The following FRMD4A variants were observed in gnomAD, a reference collection of about 807,000 sequenced individuals.
FRMD4A encodes FERM domain containing 4A.
A neutral mutation model predicts 129.1 loss-of-function variants in FRMD4A; 29 were observed. The ratio of observed to expected loss-of-function variants is 0.22; its 90% CI spans 0.17 to 0.31. The LOEUF (loss-of-function observed/expected upper bound fraction) is 0.31, where lower values mean the gene tolerates loss of function less well. Among genes scored for constraint, FRMD4A ranks in the 10% least tolerant of loss-of-function variants. FRMD4A has a pLI of 1.00. For synonymous variants in FRMD4A, 634 were observed against 571.6 expected (o/e 1.11, Z -1.56); for missense variants, 1,272 against 1,375.8 (o/e 0.92, Z 1.19).
intron 2 of FRMD4A, among the ~76,000 whole-genome samples, chr10:14,203,523 C>T (rs1312631926): frequency 3.3e-5 from 5 of 152,200 alleles, no homozygotes; most frequent in African/African-American, 9.7e-5. Context: ...ATAACAATGT[C>T]AAGTGTCTGG....
intron 12 of FRMD4A, chr10:13,707,569 A>T: frequency 1.0e-6 from 1 of 990,570 alleles, no homozygotes; most frequent in African/African-American, 1.7e-5. Context: ...TGCTGAACTG[A>T]GCTTCCTCCC....
chr10:13,854,261 TGAA>T (rs2094182662), intron 3 of FRMD4A, among the ~76,000 whole-genome samples: 1 of 152,158 alleles, frequency 6.6e-6, no homozygotes, highest in Non-Finnish European at 1.5e-5. Flanking sequence ...AGAGAATAAA[TGAA>T]GAAAATAATT....
chr10:14,141,123 C>A (rs1255402814), intron 2 of FRMD4A, among the ~76,000 whole-genome samples: 2 of 152,038 alleles, frequency 1.3e-5, no homozygotes, highest in Non-Finnish European at 2.9e-5. Flanking sequence ...TGGACAAGTT[C>A]ATCAGCGTCA....
intron 3 of FRMD4A, among the ~76,000 whole-genome samples, chr10:13,835,947 G>C (rs998219939): frequency 6.6e-6 from 1 of 152,082 alleles, no homozygotes; most frequent in African/African-American, 2.4e-5. Context: ...AATTCACTAA[G>C]TATTTAGAGA....
chr10:14,264,006 C>A (rs1280288265), intron 2 of FRMD4A, among the ~76,000 whole-genome samples: 1 of 152,208 alleles, frequency 6.6e-6, no homozygotes, highest in Non-Finnish European at 1.5e-5. Flanking sequence ...AGAGCTGCTG[C>A]ATTAATTACA....
intron 2 of FRMD4A, among the ~76,000 whole-genome samples, chr10:14,000,197 A>G (rs1490775609): frequency 6.6e-6 from 1 of 152,224 alleles, no homozygotes; most frequent in Non-Finnish European, 1.5e-5. Context: ...TAGGATAGAT[A>G]ATATTATCCT....
chr10:14,040,682 CT>C (rs1180054832), intron 2 of FRMD4A, among the ~76,000 whole-genome samples: 3 of 152,186 alleles, frequency 2.0e-5, no homozygotes, highest in Non-Finnish European at 2.9e-5. Context: ...GGTTCTCCTT[CT>C]TATTTACTTC....
chr10:13,913,609 G>A (rs565192357), intron 2 of FRMD4A, among the ~76,000 whole-genome samples: 20 of 152,190 alleles, frequency 1.3e-4, no homozygotes, highest in African/African-American at 3.9e-4. Flanking sequence ...CACGTGATCC[G>A]CCTTCATTCA....
intron 2 of FRMD4A, among the ~76,000 whole-genome samples, chr10:14,122,779 AT>A: frequency 6.6e-6 from 1 of 152,226 alleles, no homozygotes; most frequent in South Asian, 2.1e-4. Context: ...TGAACACAGG[AT>A]TTGGGTGGGG....
At chr10:13,802,642 T>A (rs1450974207) in intron 4 of FRMD4A, among the ~76,000 whole-genome samples, 1 of 152,126 alleles carries the variant, frequency 6.6e-6, no homozygotes, top group Non-Finnish European at 1.5e-5. Context: ...TTTTTTTTGT[T>A]TTTGTTTTTT....
At chr10:13,951,465 G>A (rs180794597) in intron 2 of FRMD4A, among the ~76,000 whole-genome samples, 1 of 152,250 alleles carries the variant, frequency 6.6e-6, no homozygotes, top group East Asian at 1.9e-4. Flanking sequence ...AGTGGGGAAA[G>A]TTGAAAGAGA....
chr10:14,124,513 T>C (rs1838719528), intron 2 of FRMD4A, among the ~76,000 whole-genome samples: 1 of 152,104 alleles, frequency 6.6e-6, no homozygotes, highest in Non-Finnish European at 1.5e-5. Flanking sequence ...TCATCTCTAC[T>C]ATAAATACAA....
chr10:14,169,259 A>G (rs985703351), intron 2 of FRMD4A, among the ~76,000 whole-genome samples: 1 of 152,098 alleles, frequency 6.6e-6, no homozygotes. Context: ...CTAATCTGCC[A>G]CTTCGACTTC....
At chr10:14,214,699 A>T (rs79757116) in intron 2 of FRMD4A, among the ~76,000 whole-genome samples, 2,460 of 152,276 alleles carry the variant, frequency 0.016, 31 homozygotes, top group Middle Eastern at 0.051. Flanking sequence ...TTCTATAGAT[A>T]ATCTTGTGTT....
intron 15 of FRMD4A, among the ~76,000 whole-genome samples, chr10:13,679,560 T>A (rs1271370048): frequency 7.0e-6 from 1 of 142,914 alleles, no homozygotes; most frequent in Admixed American, 7.2e-5. Flanking sequence ...AGCTAGGTCT[T>A]TGGGGCAGCT....
chr10:13,780,000 G>A (rs1192299237), intron 6 of FRMD4A, among the ~76,000 whole-genome samples: 4 of 152,138 alleles, frequency 2.6e-5, no homozygotes, highest in Non-Finnish European at 4.4e-5. Flanking sequence ...CATGCCGGGG[G>A]TAGCCAGTGG....
chr10:14,324,775 C>T (rs932958484), intron 2 of FRMD4A, among the ~76,000 whole-genome samples: 5 of 152,214 alleles, frequency 3.3e-5, no homozygotes, highest in African/African-American at 1.2e-4. Context: ...ATTCTCCTGC[C>T]TCAGCCTCCC....
chr10:13,660,863 C>T (rs12146323), intron 19 of FRMD4A, among the ~76,000 whole-genome samples: 48,629 of 152,146 alleles, frequency 0.32, 8,709 homozygotes, highest in Non-Finnish European at 0.41. Context: ...GACTGCTTCA[C>T]ACTAAACAGC....
chr10:14,203,122 G>T (rs548247820), intron 2 of FRMD4A, among the ~76,000 whole-genome samples: 10 of 152,152 alleles, frequency 6.6e-5, no homozygotes, highest in African/African-American at 2.4e-4. Context: ...CTCCAGGGCC[G>T]TGTAGAAATC....
Sources: allele counts gnomAD v4.1 joint callset (sites outside exome capture counted in the v4.1 genomes callset), GRCh38; gene constraint gnomAD v4.1.1; transcripts MANE v1.5; gene names NCBI Gene and HGNC (gene_info 2026-07-23, HGNC 2026-07-21).